ADAMTSL1: variants seen among roughly 807,000 people sequenced by gnomAD.
ADAMTSL1 encodes the protein ADAMTS-like protein 1.
In ADAMTSL1, 126 loss-of-function variants were observed where a neutral mutation model predicts 201.8. The ratio of observed to expected loss-of-function variants is 0.62; its 90% CI spans 0.54 to 0.72. The LOEUF (loss-of-function observed/expected upper bound fraction) is 0.72, where lower values mean the gene tolerates loss of function less well. ADAMTSL1 is among the 30% of genes least tolerant of loss of function. The pLI, the probability that ADAMTSL1 is intolerant of heterozygous loss-of-function variation, is 0.00. For missense variants in ADAMTSL1, 2,679 were observed against 2,277.8 expected (o/e 1.18, Z -3.59); for synonymous variants, 1,121 against 903.4 (o/e 1.24, Z -4.32).
At chr9:18,783,255 T>A (rs187280074) in intron 19 of ADAMTSL1, among the ~76,000 whole-genome samples, 87 of 152,312 alleles carry the variant, frequency 5.7e-4, no homozygotes, top group Non-Finnish European at 1.0e-3. Context: ...AGGACCCCAG[T>A]TTGTATTGAA....
At chr9:18,831,081 C>T (rs560585882) in intron 23 of ADAMTSL1, among the ~76,000 whole-genome samples, 4 of 152,296 alleles carry the variant, frequency 2.6e-5, no homozygotes, top group Non-Finnish European at 5.9e-5. Context: ...AGAAACATGA[C>T]CCTCAATTTT....
intron 2 of ADAMTSL1, among the ~76,000 whole-genome samples, chr9:18,519,883 A>G (rs1383287037): frequency 6.6e-6 from 1 of 152,164 alleles, no homozygotes; most frequent in African/African-American, 2.4e-5. Flanking sequence ...CAGTGTCATC[A>G]TTCTCACCTT....
intron 1 of ADAMTSL1, among the ~76,000 whole-genome samples, chr9:17,914,929 G>GT (rs1027940342): frequency 8.6e-5 from 13 of 151,774 alleles, no homozygotes; most frequent in South Asian, 4.2e-4. Context: ...TGACTTGCTT[G>GT]TTTTTTTTGT....
intron 2 of ADAMTSL1, among the ~76,000 whole-genome samples, chr9:18,372,410 T>G (rs1323729351): frequency 6.6e-6 from 1 of 152,190 alleles, no homozygotes; most frequent in African/African-American, 2.4e-5. Context: ...TTAAGATAAC[T>G]ATCTCATTTG....
chr9:18,245,451 C>CT (rs1831225523), intron 2 of ADAMTSL1, among the ~76,000 whole-genome samples: 1 of 152,110 alleles, frequency 6.6e-6, no homozygotes, highest in Non-Finnish European at 1.5e-5. Flanking sequence ...GGGTTTGTGA[C>CT]TGCCTTACTG....
intron 16 of ADAMTSL1, among the ~76,000 whole-genome samples, chr9:18,761,349 T>C (rs1820062025): frequency 6.6e-6 from 1 of 152,208 alleles, no homozygotes; most frequent in African/African-American, 2.4e-5. Context: ...ACTTGGGCCA[T>C]TGTATTTTTT....
rs765056497 is a variant in ADAMTSL1 at position 18,777,295 on chromosome 9, C to G, written c.3066C>G (p.Asp1022Glu). The G allele has an allele frequency of 6.2e-7, 1 of 1,605,658 alleles. No individual in the cohort carries two copies. The highest frequency in any genetic ancestry group is 2.2e-5 in the East Asian group (1 of 44,638). ...CCGCCAACCCGGGGAGCCGCTACGA[C>G]GACCTCGTCTCCCGGCTGCTGGAGC... ...GLAANPGSRY[D>E]DLVSRLLEQG... Residue 1022 changes from aspartate (D) to glutamate (E), a missense_variant, in exon 19 of 29, where the codon GAC becomes GAG. Transcript: ENST00000380548.
chr9:18,699,320 CTTT>C (rs34869167), intron 13 of ADAMTSL1, among the ~76,000 whole-genome samples: 9 of 120,262 alleles, frequency 7.5e-5, no homozygotes, highest in African/African-American at 2.2e-4. Context: ...GGGTTTTTTA[CTTT>C]TTTTTTTTTT....
At chr9:18,039,287 A>G (rs1821337165) in intron 1 of ADAMTSL1, among the ~76,000 whole-genome samples, 1 of 152,206 alleles carries the variant, frequency 6.6e-6, no homozygotes, top group African/African-American at 2.4e-5. Context: ...AAATAGTTTT[A>G]TCTGGGAAAA....
At chr9:18,123,557 C>A (rs1825597707) in intron 1 of ADAMTSL1, among the ~76,000 whole-genome samples, 1 of 152,148 alleles carries the variant, frequency 6.6e-6, no homozygotes. Flanking sequence ...ATACATAGAT[C>A]ACCTTTCCTT....
chr9:18,697,654 A>T (rs1314861883), intron 13 of ADAMTSL1, among the ~76,000 whole-genome samples: 2 of 152,256 alleles, frequency 1.3e-5, no homozygotes, highest in African/African-American at 4.8e-5. Context: ...GGAGAGAAGT[A>T]AATGAGTTTA....
chr9:18,086,159 G>A (rs764862356), intron 1 of ADAMTSL1, among the ~76,000 whole-genome samples: 1 of 152,050 alleles, frequency 6.6e-6, no homozygotes, highest in Non-Finnish European at 1.5e-5. Context: ...TGTTTGAAGT[G>A]CCTATTGGTC....
intron 23 of ADAMTSL1, among the ~76,000 whole-genome samples, chr9:18,842,065 C>A (rs1381761815): frequency 6.6e-6 from 1 of 151,070 alleles, no homozygotes; most frequent in Non-Finnish European, 1.5e-5. Context: ...TTAGTTATTT[C>A]TTGCCTTCTG....
intron 1 of ADAMTSL1, among the ~76,000 whole-genome samples, chr9:18,499,258 G>A (rs1034863521): frequency 7.2e-5 from 11 of 152,182 alleles, no homozygotes; most frequent in South Asian, 2.1e-4. Context: ...GCATGCCTCA[G>A]TATCCACACA....
chr9:18,492,230 A>T (rs1319516923), intron 1 of ADAMTSL1, among the ~76,000 whole-genome samples: 3 of 152,192 alleles, frequency 2.0e-5, no homozygotes, highest in African/African-American at 7.2e-5. Flanking sequence ...ACAGGAAGAA[A>T]AAAACATCAT....
intron 2 of ADAMTSL1, among the ~76,000 whole-genome samples, chr9:18,435,465 G>A (rs1000546108): frequency 6.6e-6 from 1 of 152,158 alleles, no homozygotes; most frequent in Non-Finnish European, 1.5e-5. Context: ...CTGCAACACT[G>A]ATCTGTGTTA....
intron 2 of ADAMTSL1, among the ~76,000 whole-genome samples, chr9:18,241,904 C>T (rs1831079431): frequency 6.6e-6 from 1 of 151,994 alleles, no homozygotes; most frequent in Non-Finnish European, 1.5e-5. Flanking sequence ...CAAAAAACCT[C>T]ATGCCTTCAT....
At chr9:17,999,248 A>G (rs1310237892) in intron 1 of ADAMTSL1, among the ~76,000 whole-genome samples, 1 of 152,020 alleles carries the variant, frequency 6.6e-6, no homozygotes, top group African/African-American at 2.4e-5. Flanking sequence ...ACTGTCTAAA[A>G]TACGGATTAT....
At chr9:18,903,168 G>A (rs1830106733) in intron 26 of ADAMTSL1, among the ~76,000 whole-genome samples, 2 of 152,028 alleles carry the variant, frequency 1.3e-5, no homozygotes, top group Non-Finnish European at 2.9e-5. Flanking sequence ...TCACACCACT[G>A]CATTCCAAGA....
Sources: allele counts gnomAD v4.1 joint callset (sites outside exome capture counted in the v4.1 genomes callset), GRCh38; gene constraint gnomAD v4.1.1; transcripts MANE v1.5; gene names NCBI Gene and HGNC (gene_info 2026-07-23, HGNC 2026-07-21).